The following LTBP1 variants were observed in gnomAD, a reference collection of about 807,000 sequenced individuals.
LTBP1 encodes the protein latent-transforming growth factor beta-binding protein 1.
In LTBP1, 129 loss-of-function variants were observed where a neutral mutation model predicts 207.6. The ratio of observed to expected loss-of-function variants is 0.62; its 90% CI spans 0.54 to 0.72. LTBP1 has a LOEUF of 0.72. Among genes scored for constraint, LTBP1 ranks in the 30% least tolerant of loss-of-function variants. LTBP1 has a pLI of 0.00. For missense variants in LTBP1, 2,281 were observed against 2,217.2 expected, an observed-to-expected ratio of 1.03 and a Z score of -0.58; for synonymous variants, 963 against 833.7, an observed-to-expected ratio of 1.16 and a Z score of -2.67.
At chr2:32,965,145 C>T (rs1440737142) in intron 2 of LTBP1, among the ~76,000 whole-genome samples, 1 of 152,116 alleles carries the variant, frequency 6.6e-6, no homozygotes, top group Non-Finnish European at 1.5e-5. Flanking sequence ...GCAATAGCTC[C>T]ATGGTCAAAG....
chr2:32,993,171 A>G (rs1684684889), intron 2 of LTBP1, among the ~76,000 whole-genome samples: 1 of 152,066 alleles, frequency 6.6e-6, no homozygotes, highest in African/African-American at 2.4e-5. Context: ...TGTGCTAGGA[A>G]TGCAGGCACG....
At chr2:33,285,293 C>T (rs2093642960) in intron 19 of LTBP1, among the ~76,000 whole-genome samples, 1 of 151,792 alleles carries the variant, frequency 6.6e-6, no homozygotes. Context: ...CCACCCATCT[C>T]AGTCCCCGAA....
At chr2:33,148,104 T>C (rs77004165) in intron 5 of LTBP1, among the ~76,000 whole-genome samples, 2,366 of 152,342 alleles carry the variant, frequency 0.016, 23 homozygotes, top group East Asian at 0.027. Context: ...TCTGCAAGGA[T>C]GATACTCTTG....
At chr2:33,321,659 T>TGA (rs1015638588) in intron 24 of LTBP1, among the ~76,000 whole-genome samples, 45 of 152,162 alleles carry the variant, frequency 3.0e-4, no homozygotes, top group African/African-American at 1.1e-3. Flanking sequence ...CTTTTGAAAA[T>TGA]GACTCAGCCA....
At chr2:33,342,025 G>A (rs2094632744) in intron 24 of LTBP1, among the ~76,000 whole-genome samples, 1 of 152,198 alleles carries the variant, frequency 6.6e-6, no homozygotes. Flanking sequence ...TGGTATAGAT[G>A]TGGCAGTGCC....
intron 7 of LTBP1, among the ~76,000 whole-genome samples, chr2:33,193,689 G>A (rs1278099342): frequency 2.0e-5 from 3 of 152,108 alleles, no homozygotes; most frequent in Non-Finnish European, 4.4e-5. Flanking sequence ...AATATTTCAA[G>A]ACCTTTTCAT....
intron 33 of LTBP1, 50 bp downstream of exon 33, chr2:33,397,332 G>GTC: frequency 6.3e-7 from 1 of 1,595,280 alleles, no homozygotes; most frequent in Non-Finnish European, 8.6e-7. Flanking sequence ...CTGACACCCC[G>GTC]TATCTCAGTC....
At chr2:33,223,372 A>G (rs1329174920) in intron 9 of LTBP1, among the ~76,000 whole-genome samples, 4 of 152,214 alleles carry the variant, frequency 2.6e-5, no homozygotes. Context: ...TTGTCTTAAA[A>G]ATATTGTAAG....
intron 24 of LTBP1, among the ~76,000 whole-genome samples, chr2:33,331,162 C>T (rs2094489882): frequency 6.6e-6 from 1 of 151,554 alleles, no homozygotes; most frequent in East Asian, 1.9e-4. Context: ...GGTTATTAGT[C>T]ATTTCAAAGA....
chr2:33,197,444 C>T (rs1453394179), intron 7 of LTBP1, among the ~76,000 whole-genome samples: 4 of 152,140 alleles, frequency 2.6e-5, no homozygotes, highest in Admixed American at 6.5e-5. Context: ...GCTTCAAACC[C>T]GAACATTTCT....
At chr2:33,305,314 A>G (rs2094069751) in intron 22 of LTBP1, among the ~76,000 whole-genome samples, 1 of 151,566 alleles carries the variant, frequency 6.6e-6, no homozygotes, top group South Asian at 2.1e-4. Context: ...ACAGAGCAAG[A>G]CTATGTCTCA....
intron 24 of LTBP1, among the ~76,000 whole-genome samples, chr2:33,331,658 A>G (rs888619328): frequency 1.3e-5 from 2 of 152,226 alleles, no homozygotes; most frequent in Middle Eastern, 3.4e-3. Flanking sequence ...CTGCTTGAAA[A>G]CAATTTATAT....
At chr2:33,052,979 A>T (rs1018663608) in intron 3 of LTBP1, among the ~76,000 whole-genome samples, 4 of 151,334 alleles carry the variant, frequency 2.6e-5, no homozygotes, top group Non-Finnish European at 5.9e-5. Context: ...GGTGTAAGCG[A>T]TTCTCTTGCG....
In LTBP1 at chr2:33,197,179, T is replaced by A. The variant is rs370888235; in HGVS notation, c.1701+8328T>A. 1.4e-3 allele frequency among the ~76,000 whole-genome samples: 211 copies of A among 152,346 alleles called. 1 individual carries two copies. The highest frequency in any genetic ancestry group is 0.014 in the Middle Eastern group (4 of 294). ...TATAGGCATCACTAAATCTCCTATA[T>A]TCAAAGAACAGAAATTGATCTCATA... On this transcript the variant is annotated intron_variant, in intron 7 of 33. Coordinates refer to ENST00000404816, the MANE Select transcript of LTBP1 (RefSeq NM_206943.4).
At chr2:33,248,952 G>A (rs906999768) in intron 10 of LTBP1, among the ~76,000 whole-genome samples, 1 of 152,102 alleles carries the variant, frequency 6.6e-6, no homozygotes, top group African/African-American at 2.4e-5. Context: ...TAGGTAAGCT[G>A]CCTCTCAGAC....
chr2:33,396,170 G>A (rs1455247979), intron 32 of LTBP1, among the ~76,000 whole-genome samples: 1 of 139,982 alleles, frequency 7.1e-6, no homozygotes, highest in Non-Finnish European at 1.6e-5. Flanking sequence ...AAAACTTTTG[G>A]TTCTGTTTTT....
intron 10 of LTBP1, among the ~76,000 whole-genome samples, chr2:33,248,031 T>A (rs1416279127): frequency 1.3e-5 from 2 of 152,212 alleles, no homozygotes; most frequent in Admixed American, 6.5e-5. Flanking sequence ...TCTTCATAAT[T>A]TATCTTATGC....
intron 3 of LTBP1, among the ~76,000 whole-genome samples, chr2:33,099,539 G>T (rs2079589393): frequency 6.6e-6 from 1 of 152,174 alleles, no homozygotes; most frequent in Non-Finnish European, 1.5e-5. Flanking sequence ...AAAGCTGGAG[G>T]ACTATAGAGA....
intron 4 of LTBP1, among the ~76,000 whole-genome samples, chr2:33,114,637 C>G (rs2080627302): frequency 6.6e-6 from 1 of 152,170 alleles, no homozygotes; most frequent in African/African-American, 2.4e-5. Flanking sequence ...AAAGCATGAA[C>G]TACCAGGAAG....
Sources: gnomAD v4.1 joint callset for allele counts (sites outside exome capture counted in the v4.1 genomes callset) on GRCh38, gnomAD v4.1.1 for gene constraint, MANE v1.5 for transcripts, NCBI Gene and HGNC (gene_info 2026-07-23, HGNC 2026-07-21) for gene names.